NR1H3: variants seen among roughly 807,000 people sequenced by gnomAD.
NR1H3 encodes oxysterols receptor LXR-alpha.
Under a neutral mutation model 48.1 loss-of-function variants are expected in NR1H3, and 19 were observed. The observed-to-expected ratio is 0.40, with a 90% confidence interval of 0.28 to 0.58. NR1H3 has a LOEUF of 0.58. Ranked by LOEUF, NR1H3 falls within the 20% of genes least tolerant of loss-of-function variation. The probability of loss-of-function intolerance (pLI) is 0.50; values close to 1 mark genes in which losing one functional copy is unlikely to be tolerated. For missense variants in NR1H3, 486 were observed against 595.9 expected (o/e 0.82, Z 1.92); for synonymous variants, 232 against 227.3 (o/e 1.02, Z -0.19).
chr11:47,263,937 G>A (rs953732922), intron 7 of NR1H3, among the ~76,000 whole-genome samples: 2 of 152,028 alleles, frequency 1.3e-5, no homozygotes, highest in African/African-American at 4.8e-5. Context: ...ACTTTCTGAC[G>A]AACCAGAACC....
At chr11:47,252,068 GA>G (rs77344433) in intron 1 of NR1H3, among the ~76,000 whole-genome samples, 2,450 of 128,630 alleles carry the variant, frequency 0.019, 36 homozygotes, top group African/African-American at 0.036. Context: ...AAAAAAAAAA[GA>G]AAAAAAAAAA....
At chr11:47,265,656 G>A (rs541498591) in intron 7 of NR1H3, among the ~76,000 whole-genome samples, 1 of 152,084 alleles carries the variant, frequency 6.6e-6, no homozygotes, top group South Asian at 2.1e-4. Context: ...GGCAGATCAC[G>A]AGGTCAAGAG....
In NR1H3 at chr11:47,261,715, TC is replaced by T; in HGVS notation, c.878del (p.Ser293LeufsTer5). On this transcript the variant is annotated frameshift_variant, in exon 6 of 10. Coordinates refer to ENST00000441012, the MANE Select transcript of NR1H3 (RefSeq NM_005693.4). LOFTEE classifies it high-confidence loss of function. The stretch of plus-strand genomic sequence containing the variant: ...GGACCAGATTGCCCTGCTGAAGACC[TC>T]TGCGATCGAGGTGGCTGGAGAAGGG... ...REDQIALLKT[S>X]AIEVMLLETS... 1 of 1,614,082 alleles carries T rather than the reference TC, an allele frequency of 6.2e-7. No homozygotes were observed. The highest frequency in any genetic ancestry group is 1.6e-4 in the Middle Eastern group (1 of 6,062).
intron 3 of NR1H3, 85 bp from the exon 4 acceptor site, chr11:47,260,323 AC>A: frequency 6.7e-7 from 1 of 1,503,186 alleles, no homozygotes; most frequent in Non-Finnish European, 8.9e-7. Context: ...AATGAAGGTC[AC>A]TGAGTGCCCA....
upstream of NR1H3, among the ~76,000 whole-genome samples, chr11:47,257,388 C>CT (rs1251088624): frequency 6.6e-6 from 1 of 152,206 alleles, no homozygotes; most frequent in Non-Finnish European, 1.5e-5. Context: ...GATTTCCTAT[C>CT]AAAGGCTCTC....
intron 7 of NR1H3, among the ~76,000 whole-genome samples, chr11:47,265,102 T>C (rs558631806): frequency 6.6e-6 from 1 of 152,112 alleles, no homozygotes; most frequent in Non-Finnish European, 1.5e-5. Flanking sequence ...GAGACCAGCC[T>C]GGCCCATATG....
At position 47,268,470 on chromosome 11, in the gene NR1H3, C is replaced by A; in HGVS notation, c.1198-80C>A. ...GACTGCATGCTGTGCAGACAATTCA[C>A]CTCTCCCACAACTCCCCTACTCTTG... is the stretch of plus-strand genomic sequence containing the variant. On this transcript the variant is annotated intron_variant, in intron 9 of 9. Coordinates refer to ENST00000441012, the MANE Select transcript of NR1H3 (RefSeq NM_005693.4). 5 of 1,596,008 alleles carry A rather than the reference C, an allele frequency of 3.1e-6. No individual in the cohort carries two copies. The South Asian group carries it at 4.4e-5, about 14-fold the overall frequency.
At position 47,259,874 on chromosome 11, in the gene NR1H3, G is replaced by C. The variant is rs954570708; in HGVS notation, c.127G>C (p.Glu43Gln). 1.9e-6 allele frequency: 3 copies of C among 1,613,018 alleles called. No individual in the cohort carries two copies. The highest frequency in any genetic ancestry group is 2.5e-6 in the Non-Finnish European group (3 of 1,179,954). The stretch of plus-strand genomic sequence containing the variant: ...AGGCAGCAGCTGCATCCTCAGAGAG[G>C]AAGCCAGGATGCCCCACTCTGCTGG... ...QGGSSCILRE[E>Q]ARMPHSAGGT... The change falls in exon 3 of 10, where the codon GAA becomes CAA. Residue 43 changes from glutamate (E) to glutamine (Q), a missense_variant. Coordinates refer to ENST00000441012, the MANE Select transcript of NR1H3 (RefSeq NM_005693.4).
chr11:47,260,014 C>G (rs1477024327), intron 3 of NR1H3, 35 bp downstream of exon 3: 2 of 1,460,330 alleles, frequency 1.4e-6, no homozygotes, highest in East Asian at 4.9e-5. Context: ...AGGTAGGGGT[C>G]CAGATTCCAG....
chr11:47,254,345 T>C (rs1954905472), upstream of NR1H3, among the ~76,000 whole-genome samples: 1 of 152,178 alleles, frequency 6.6e-6, no homozygotes, highest in Admixed American at 6.6e-5. Context: ...CTCTGTGACA[T>C]CTCTGGCTGC....
chr11:47,249,585 G>A (rs966020580), intron 1 of NR1H3, among the ~76,000 whole-genome samples: 37 of 152,200 alleles, frequency 2.4e-4, no homozygotes, highest in African/African-American at 8.2e-4. Context: ...TTTGAGGTAA[G>A]GGACAGGCGC....
At chr11:47,253,772 C>T (rs752367426), upstream of NR1H3, among the ~76,000 whole-genome samples, 9 of 152,110 alleles carry the variant, frequency 5.9e-5, no homozygotes, top group Non-Finnish European at 1.0e-4. Context: ...GGTAGATCCC[C>T]GAGTGTGTTC....
chr11:47,251,872 T>TACTATTTCA (rs1455725275), intron 1 of NR1H3, among the ~76,000 whole-genome samples: 2 of 152,288 alleles, frequency 1.3e-5, no homozygotes, highest in East Asian at 3.9e-4. Context: ...GAGGGATTGA[T>TACTATTTCA]GAAGCAGATA....
intron 1 of NR1H3, among the ~76,000 whole-genome samples, chr11:47,249,384 A>G (rs1454278496): frequency 1.3e-5 from 2 of 152,104 alleles, no homozygotes; most frequent in Non-Finnish European, 2.9e-5. Context: ...AAGCTTCAGT[A>G]GCCCTCTCAC....
chr11:47,255,535 CTTTCTTTTTCTT>C (rs1325891546), upstream of NR1H3, among the ~76,000 whole-genome samples: 22 of 126,874 alleles, frequency 1.7e-4, no homozygotes, highest in Admixed American at 6.2e-4. Context: ...CTCTTTCTTT[CTTTCTTTTTCTT>C]TCTTTCTTTC....
intron 2 of NR1H3, 68 bp downstream of exon 2, chr11:47,259,327 C>A (rs1432951806): frequency 6.2e-7 from 1 of 1,608,254 alleles, no homozygotes; most frequent in South Asian, 1.1e-5. Flanking sequence ...TAGGAATCAG[C>A]CTCCTTCATT....
chr11:47,254,134 A>G (rs1325993727), upstream of NR1H3, among the ~76,000 whole-genome samples: 1 of 152,130 alleles, frequency 6.6e-6, no homozygotes, highest in African/African-American at 2.4e-5. Context: ...CCTAAACAGG[A>G]GACCCTAGCC....
chr11:47,258,151 G>A, intron 1 of NR1H3, 22 bp downstream of exon 1: 1 of 985,490 alleles, frequency 1.0e-6, no homozygotes. Context: ...CCTTAGCAGT[G>A]GCCTGGGGCT....
At chr11:47,248,523 G>T, upstream of NR1H3, 8 of 1,551,312 alleles carry the variant, frequency 5.2e-6, no homozygotes, top group Non-Finnish European at 6.1e-6. Context: ...ATAAGCCAGG[G>T]CTCCAGGTCA....
Sources: gnomAD v4.1 joint callset for allele counts (sites outside exome capture counted in the v4.1 genomes callset) on GRCh38, gnomAD v4.1.1 for gene constraint, MANE v1.5 for transcripts, NCBI Gene and HGNC (gene_info 2026-07-23, HGNC 2026-07-21) for gene names.